The following CDH20 variants were observed in gnomAD, a reference collection of about 807,000 sequenced individuals.
The protein encoded by CDH20 is cadherin-20.
In CDH20, 29 loss-of-function variants were observed where a neutral mutation model predicts 74.2. The observed-to-expected ratio is 0.39, with a 90% CI of 0.29 to 0.53. CDH20 has a LOEUF of 0.53. CDH20 is among the 20% of genes least tolerant of loss of function. The probability of loss-of-function intolerance (pLI) is 0.69; values close to 1 mark genes in which losing one functional copy is unlikely to be tolerated. For synonymous variants in CDH20, 469 were observed against 405.4 expected (o/e 1.16, Z -1.88); for missense variants, 988 against 1,048.3 (o/e 0.94, Z 0.79).
intron 1 of CDH20, among the ~76,000 whole-genome samples, chr18:61,338,583 A>C (rs1449474931): frequency 6.6e-6 from 1 of 152,204 alleles, no homozygotes; most frequent in Non-Finnish European, 1.5e-5. Flanking sequence ...ATGTCATTGA[A>C]TAACCACTAT....
At chr18:61,525,787 T>G (rs1184213006) in intron 6 of CDH20, among the ~76,000 whole-genome samples, 2 of 152,100 alleles carry the variant, frequency 1.3e-5, no homozygotes, top group African/African-American at 4.8e-5. Flanking sequence ...CCTGAAAATA[T>G]GTACATCTAT....
intron 1 of CDH20, among the ~76,000 whole-genome samples, chr18:61,364,722 T>A (rs990956084): frequency 1.3e-5 from 2 of 152,132 alleles, no homozygotes; most frequent in Admixed American, 6.5e-5. Flanking sequence ...CAGCTCTCCT[T>A]CCCCTTCCAC....
chr18:61,385,739 G>A lies in CDH20; in HGVS notation c.-153+51912G>A, dbSNP rs1911575112. 2.6e-5 allele frequency among the ~76,000 whole-genome samples: 4 copies of A among 151,998 alleles called. No homozygotes were observed. In the South Asian group the frequency reaches 8.3e-4, roughly 32 times the overall value. Reference sequence around the variant, plus strand: ...CAAGGTCAGGAGTTTGAGACCAGCTGGCCAACATGGTGAAACCCCATCTCT... The same window carrying A: ...CAAGGTCAGGAGTTTGAGACCAGCTAGCCAACATGGTGAAACCCCATCTCT... On this transcript the variant is annotated intron_variant, in intron 1 of 11. Transcript: ENST00000262717.
chr18:61,383,336 T>A (rs1911493733), intron 1 of CDH20, among the ~76,000 whole-genome samples: 1 of 152,062 alleles, frequency 6.6e-6, no homozygotes, highest in Non-Finnish European at 1.5e-5. Context: ...ATCTCAGCAC[T>A]TTGGGAGGCC....
intron 1 of CDH20, among the ~76,000 whole-genome samples, chr18:61,460,981 T>C (rs1909747491): frequency 6.6e-6 from 1 of 152,180 alleles, no homozygotes; most frequent in Admixed American, 6.5e-5. Flanking sequence ...ACTAAAGAAT[T>C]ATATGACATT....
At chr18:61,363,327 TA>T (rs1305988534) in intron 1 of CDH20, among the ~76,000 whole-genome samples, 1 of 152,084 alleles carries the variant, frequency 6.6e-6, no homozygotes, top group Non-Finnish European at 1.5e-5. Flanking sequence ...TTGAGCTGTG[TA>T]CTTTTTATGG....
rs1555683467 is a variant in CDH20, at chr18:61,528,446, G to GACACAC, written c.1271+257_1271+262dup. On this transcript the variant is annotated intron_variant, in intron 7 of 11. Transcript: ENST00000262717. ...TTATAACTCACTTTCAATTGGTTGA[G>GACACAC]ACACACACACACACACACACACACA... Among the ~76,000 whole-genome samples, 653 of 97,708 alleles carry GACACAC rather than the reference G, an allele frequency of 6.7e-3. 8 individuals are homozygous for GACACAC. Among genetic ancestry groups the GACACAC allele is most frequent in the African/African-American group, 0.02 (611 of 30,790 alleles). The allele number at this position is 97,708 out of a possible 152,430, so 64.1% of individuals were successfully genotyped here. A position where few individuals can be genotyped will look rare whatever the true frequency, so the allele number is the denominator to read the frequency against.
intron 1 of CDH20, among the ~76,000 whole-genome samples, chr18:61,397,698 C>A (rs995949038): frequency 3.3e-5 from 5 of 152,182 alleles, no homozygotes; most frequent in South Asian, 2.1e-4. Context: ...TTGAAGCCAG[C>A]CTGCCTGGGT....
intron 1 of CDH20, among the ~76,000 whole-genome samples, chr18:61,363,072 T>C (rs890877099): frequency 4.6e-5 from 7 of 152,302 alleles, no homozygotes; most frequent in South Asian, 2.1e-4. Context: ...CCTTTTATGA[T>C]TAATTAATGA....
intron 1 of CDH20, among the ~76,000 whole-genome samples, chr18:61,413,860 G>A (rs1912595605): frequency 1.3e-5 from 2 of 152,078 alleles, no homozygotes; most frequent in Non-Finnish European, 2.9e-5. Flanking sequence ...GGAACATACA[G>A]AACACTTTTC....
chr18:61,440,047 C>A (rs73447397), intron 1 of CDH20, among the ~76,000 whole-genome samples: 1,599 of 152,220 alleles, frequency 0.011, 29 homozygotes, highest in African/African-American at 0.037. Flanking sequence ...CCCATTTTGC[C>A]TTCTGAAGAG....
rs754615764 is a variant in CDH20 at position 61,554,399 on chromosome 18, G to C, written c.2110G>C (p.Glu704Gln). The C allele has an allele frequency of 6.2e-6, 10 of 1,612,960 alleles. No individual in the cohort carries two copies. The highest frequency in any genetic ancestry group is 7.6e-6 in the Non-Finnish European group (9 of 1,179,746). Residue 704 changes from glutamate to glutamine, a missense_variant, in exon 12 of 12, where the codon GAG becomes CAG. Glu to Gln is a conservative substitution (Grantham distance 29). Transcript: ENST00000262717. Reference sequence around the variant, plus strand: ...CAAGACGCGGCAGGACATGCTGCCCGAGATCGAGAGCCTCTCCCGCTACGT... The same window carrying C: ...CAAGACGCGGCAGGACATGCTGCCCCAGATCGAGAGCCTCTCCCGCTACGT... ...APKTRQDMLP[E>Q]IESLSRYVPQ...
intron 1 of CDH20, among the ~76,000 whole-genome samples, chr18:61,409,269 T>C (rs1386126817): frequency 2.0e-5 from 3 of 152,136 alleles, no homozygotes; most frequent in Admixed American, 2.0e-4. Flanking sequence ...CCACAGTGCT[T>C]CTGTGCCCCC....
chr18:61,550,307 C>A, intron 11 of CDH20, 78 bp downstream of exon 11: 1 of 1,522,056 alleles, frequency 6.6e-7, no homozygotes, highest in Non-Finnish European at 8.9e-7. Context: ...CTTCCTGACA[C>A]AGCTATTCAG....
chr18:61,554,686 G>C lies in CDH20; in HGVS notation c.2397G>C (p.Pro799=). 1 of 1,566,122 alleles carries C rather than the reference G, an allele frequency of 6.4e-7. No individual in the cohort carries two copies. Among genetic ancestry groups the C allele is most frequent in the Non-Finnish European group, 8.7e-7 (1 of 1,154,880 alleles). ...ELYGASEGPA[P]LW is the part of the protein sequence containing the mutation. ...ACGGGGCGTCGGAGGGACCCGCGCC[G>C]CTGTGGTGACGGAAGCCAGGAGGCA... The change falls in exon 12 of 12, where the codon CCG becomes CCC. Residue 799 remains proline, a synonymous_variant. Transcript: ENST00000262717.
Position 61,459,106 on chromosome 18 carries a change from C to G in CDH20, c.-152-31296C>G, listed in dbSNP as rs184327234. Among the ~76,000 whole-genome samples, 462 of 152,156 alleles carry G rather than the reference C, an allele frequency of 3.0e-3. 3 individuals are homozygous for G. The highest frequency in any genetic ancestry group is 0.01 in the African/African-American group (424 of 41,506). On this transcript the variant is annotated intron_variant, in intron 1 of 11. Coordinates refer to ENST00000262717, the MANE Select transcript of CDH20 (RefSeq NM_031891.4). ...CTGCTGTGGATATAATAGCTTTGGT[C>G]GTATTATTATCATCTTTTTTATTTA...
intron 1 of CDH20, among the ~76,000 whole-genome samples, chr18:61,411,025 C>T (rs1160827166): frequency 2.6e-5 from 4 of 151,180 alleles, no homozygotes; most frequent in African/African-American, 9.7e-5. Flanking sequence ...ACGGTGAAAC[C>T]CCATCTCTAC....
chr18:61,531,557 A>T (rs554463781), intron 7 of CDH20, among the ~76,000 whole-genome samples: 2 of 152,370 alleles, frequency 1.3e-5, no homozygotes, highest in African/African-American at 4.8e-5. Context: ...ATGCTTAAAA[A>T]GTAATAATCT....
intron 1 of CDH20, among the ~76,000 whole-genome samples, chr18:61,467,600 A>T (rs1910005158): frequency 6.6e-6 from 1 of 152,214 alleles, no homozygotes; most frequent in South Asian, 2.1e-4. Context: ...CCAAACAATT[A>T]TGAGGAAAGA....
Sources: allele counts gnomAD v4.1 joint callset (sites outside exome capture counted in the v4.1 genomes callset), GRCh38; gene constraint gnomAD v4.1.1; transcripts MANE v1.5; gene names NCBI Gene and HGNC (gene_info 2026-07-23, HGNC 2026-07-21).